The following TMEM242 variants were observed in gnomAD, a reference collection of about 807,000 sequenced individuals.
TMEM242 encodes UPF0463 transmembrane protein C6orf35.
Under a neutral mutation model 18.2 loss-of-function variants are expected in TMEM242, and 10 were observed. The observed-to-expected ratio is 0.55, with a 90% CI of 0.34 to 0.93. The LOEUF (loss-of-function observed/expected upper bound fraction) is 0.93, where lower values mean the gene tolerates loss of function less well. TMEM242 is among the 40% of genes least tolerant of loss of function. The pLI, the probability that TMEM242 is intolerant of heterozygous loss-of-function variation, is 0.02. For synonymous variants in TMEM242, 57 were observed against 69.9 expected (o/e 0.81, Z 0.92); for missense variants, 186 against 175.5 (o/e 1.06, Z -0.34).
intron 3 of TMEM242, chr6:157,299,979 G>A: frequency 2.8e-6 from 4 of 1,434,758 alleles, no homozygotes; most frequent in Non-Finnish European, 3.9e-6. Flanking sequence ...GAAGTGAAGC[G>A]CTCAACAAGC....
At chr6:157,312,520 T>A (rs1275653613) in intron 3 of TMEM242, among the ~76,000 whole-genome samples, 7 of 139,782 alleles carry the variant, frequency 5.0e-5, no homozygotes, top group African/African-American at 1.9e-4. Context: ...AGCCTCATCA[T>A]ACCGCCCCAG....
chr6:157,307,546 G>A (rs1554248014), intron 3 of TMEM242, among the ~76,000 whole-genome samples: 3 of 152,294 alleles, frequency 2.0e-5, no homozygotes, highest in Non-Finnish European at 1.5e-5. Flanking sequence ...AAGTCCCTGT[G>A]ATTCGGGTTC....
chr6:157,304,499 AG>A, intron 3 of TMEM242, among the ~76,000 whole-genome samples: 2 of 142,302 alleles, frequency 1.4e-5, no homozygotes, highest in Non-Finnish European at 3.1e-5. Flanking sequence ...AAAGAGAGAG[AG>A]AGAGAGTGCC....
At chr6:157,307,825 G>A (rs1777936526) in intron 3 of TMEM242, among the ~76,000 whole-genome samples, 1 of 152,160 alleles carries the variant, frequency 6.6e-6, no homozygotes, top group Non-Finnish European at 1.5e-5. Flanking sequence ...ACTGTTCTGA[G>A]GTTCTAGTGA....
rs782705999 is a variant in TMEM242 at position 157,292,882 on chromosome 6, A to G, written c.*19T>C. 1.4e-5 allele frequency: 22 copies of G among 1,591,176 alleles called. No homozygotes were observed. The Middle Eastern group carries it at 8.3e-4, about 60-fold the overall frequency. On this transcript the variant is annotated 3_prime_UTR_variant, in exon 4 of 4. Transcript: ENST00000400788. Reference sequence around the variant, plus strand: ...ACCCCTTTCTGTAACAAGCATTTTGAAATTCATCCATGCTCATCTCATTTG... The same window carrying G: ...ACCCCTTTCTGTAACAAGCATTTTGGAATTCATCCATGCTCATCTCATTTG...
Position 157,305,962 on chromosome 6 carries a change from T to C in TMEM242, c.327+12820A>G, listed in dbSNP as rs782420869. Among the ~76,000 whole-genome samples the C allele has an allele frequency of 2.6e-5, 4 of 152,160 alleles. No individual in the cohort carries two copies. Among genetic ancestry groups the C allele is most frequent in the African/African-American group, 7.2e-5 (3 of 41,508 alleles). ...AGCTTTTTGTGTAAAGGGGAGCAGA[T>C]AAATGGGCTGGTAGCTGGAGGAGGC... On this transcript the variant is annotated intron_variant, in intron 3 of 3. Coordinates refer to ENST00000400788, the MANE Select transcript of TMEM242 (RefSeq NM_018452.6). This position sits in a 1 kb window ranked among gnomAD's most constrained non-coding sequence, Gnocchi z 4.1.
intron 3 of TMEM242, among the ~76,000 whole-genome samples, chr6:157,312,358 T>TGCACTCACCTAGCGTCATCATAGTG (rs1583568744): frequency 7.9e-5 from 1 of 12,736 alleles, no homozygotes; most frequent in African/African-American, 2.4e-4. Flanking sequence ...CCTCATCATG[T>TGCACTCACCTAGCGTCATCATAGTG]CCCAGTGTGC....
Position 157,292,653 on chromosome 6 carries a change from A to G in TMEM242, c.*248T>C. ...AATCATTTCCTATGGGGTCCCCTCC[A>G]CATAAGGAAGTTATTCCTGTAATTA... On this transcript the variant is annotated 3_prime_UTR_variant, in exon 4 of 4. Transcript: ENST00000400788. 2.8e-6 allele frequency: 1 copy of G among 353,016 alleles called. No individual in the cohort carries two copies. The highest frequency in any genetic ancestry group is 5.1e-6 in the Non-Finnish European group (1 of 197,070). 21.9% of individuals were successfully genotyped at this position (353,016 alleles called of 1,614,324 possible).
rs1238576071 is a variant in TMEM242, at chr6:157,289,887, G to A, written c.*3014C>T. The A allele has an allele frequency of 6.6e-6, 1 of 152,258 alleles. No homozygotes were observed. The highest frequency in any genetic ancestry group is 1.5e-5 in the Non-Finnish European group (1 of 68,056). 9.4% of individuals were successfully genotyped at this position (152,258 alleles called of 1,614,324 possible). A position where few individuals can be genotyped will look rare whatever the true frequency, so the allele number is the denominator to read the frequency against. ...CATGCCCTGACGCGAGGGTGGTGGT[G>A]GAGATGGCCCACGACCCTCTCAGCA... On this transcript the variant is annotated 3_prime_UTR_variant, in exon 4 of 4. Coordinates refer to ENST00000400788, the MANE Select transcript of TMEM242 (RefSeq NM_018452.6).
intron 3 of TMEM242, among the ~76,000 whole-genome samples, chr6:157,308,575 CT>C (rs1554248081): frequency 6.6e-6 from 1 of 152,114 alleles, no homozygotes; most frequent in Non-Finnish European, 1.5e-5. Context: ...ACATGTTTTA[CT>C]TTTTGTTTTT....
intron 3 of TMEM242, among the ~76,000 whole-genome samples, chr6:157,310,435 C>G (rs1777989475): frequency 6.6e-6 from 1 of 152,042 alleles, no homozygotes; most frequent in African/African-American, 2.4e-5. Flanking sequence ...TCATAGTGTC[C>G]CAGTGTGCAC....
intron 3 of TMEM242, among the ~76,000 whole-genome samples, chr6:157,306,091 T>C (rs1777914462): frequency 6.6e-6 from 1 of 152,160 alleles, no homozygotes; most frequent in South Asian, 2.1e-4. Flanking sequence ...AGGCTGAGGA[T>C]AACGATGGGA....
chr6:157,318,979 G>T (rs1453588951), intron 2 of TMEM242, 60 bp from the exon 3 acceptor site: 1 of 1,482,632 alleles, frequency 6.7e-7, no homozygotes, highest in African/African-American at 1.4e-5. Context: ...TAAGCATTCT[G>T]GGGGTGTTTG....
chr6:157,319,501 C>T (rs1323587095), intron 2 of TMEM242, among the ~76,000 whole-genome samples: 1 of 152,168 alleles, frequency 6.6e-6, no homozygotes, highest in African/African-American at 2.4e-5. Flanking sequence ...AATTACTTCG[C>T]CACTTTTAGC....
At chr6:157,312,777 C>T (rs1271885390) in intron 3 of TMEM242, among the ~76,000 whole-genome samples, 4 of 133,878 alleles carry the variant, frequency 3.0e-5, no homozygotes, top group African/African-American at 1.2e-4. Flanking sequence ...AGTGTGCGCT[C>T]ACCTAGCTTC....
At chr6:157,319,168 C>G (rs1005463037) in intron 2 of TMEM242, among the ~76,000 whole-genome samples, 14 of 152,206 alleles carry the variant, frequency 9.2e-5, no homozygotes, top group Non-Finnish European at 1.8e-4. Context: ...CAAGATTTCT[C>G]TATCCCCCAT....
At chr6:157,315,938 T>C (rs1410833184) in intron 3 of TMEM242, among the ~76,000 whole-genome samples, 1 of 152,222 alleles carries the variant, frequency 6.6e-6, no homozygotes, top group Admixed American at 6.6e-5. Context: ...TCCATAATAA[T>C]TATGAATAAA....
intron 3 of TMEM242, chr6:157,299,925 C>G (rs1777803994): frequency 6.2e-7 from 1 of 1,610,394 alleles, no homozygotes; most frequent in Admixed American, 1.7e-5. Flanking sequence ...CCCACCGATC[C>G]AGTTCCTATG....
At chr6:157,313,903 G>A (rs76666353) in intron 3 of TMEM242, among the ~76,000 whole-genome samples, 38 of 3,730 alleles carry the variant, frequency 0.01, no homozygotes, top group African/African-American at 0.02. Flanking sequence ...GCGCTCACCT[G>A]GCCTCATCAC....
Sources: gnomAD v4.1 joint callset for allele counts (sites outside exome capture counted in the v4.1 genomes callset) on GRCh38, gnomAD v4.1.1 for gene constraint, Gnocchi (gnomAD v3.1) non-coding constraint, MANE v1.5 for transcripts, NCBI Gene and HGNC (gene_info 2026-07-23, HGNC 2026-07-21) for gene names.